Variants in TMEM108 observed in about 807,000 individuals in gnomAD.
TMEM108 encodes the protein cancer/testis antigen 124.
A neutral mutation model predicts 35.1 loss-of-function variants in TMEM108; 12 were observed. The observed-to-expected ratio is 0.34, with a 90% CI of 0.22 to 0.55. The LOEUF is 0.55. TMEM108 is among the 20% of genes least tolerant of loss of function. The pLI, the probability that TMEM108 is intolerant of heterozygous loss-of-function variation, is 0.89. For synonymous variants in TMEM108, 287 were observed against 308.6 expected, an observed-to-expected ratio of 0.93 and a Z score of 0.73; for missense variants, 680 against 753.3, an observed-to-expected ratio of 0.90 and a Z score of 1.14.
intron 3 of TMEM108, among the ~76,000 whole-genome samples, chr3:133,233,361 AC>A (rs1946184656): frequency 6.8e-6 from 1 of 146,602 alleles, no homozygotes; most frequent in Non-Finnish European, 1.5e-5. Flanking sequence ...CCTACAAAGG[AC>A]ATAAACTCAT....
At chr3:133,336,195 T>C (rs1043209303) in intron 3 of TMEM108, among the ~76,000 whole-genome samples, 13 of 152,078 alleles carry the variant, frequency 8.5e-5, no homozygotes, top group Non-Finnish European at 1.3e-4. Context: ...CAGTGGACTT[T>C]AAGGCGCATG....
intron 2 of TMEM108, among the ~76,000 whole-genome samples, chr3:133,159,086 A>G (rs1025620843): frequency 6.6e-6 from 1 of 152,226 alleles, no homozygotes; most frequent in Non-Finnish European, 1.5e-5. Context: ...GGAAAACATT[A>G]TATTCATTGT....
chr3:133,053,092 A>G (rs972727225), intron 2 of TMEM108, among the ~76,000 whole-genome samples: 2 of 152,100 alleles, frequency 1.3e-5, no homozygotes, highest in Non-Finnish European at 2.9e-5. Context: ...ATATTATTCT[A>G]TTGGGATCAG....
chr3:133,149,739 A>AAT (rs1944770848), intron 2 of TMEM108, among the ~76,000 whole-genome samples: 1 of 152,132 alleles, frequency 6.6e-6, no homozygotes, highest in Non-Finnish European at 1.5e-5. Context: ...TACATAAGGG[A>AAT]ATATATATAT....
intron 2 of TMEM108, among the ~76,000 whole-genome samples, chr3:133,210,671 C>T (rs1945823322): frequency 6.6e-6 from 1 of 152,132 alleles, no homozygotes; most frequent in African/African-American, 2.4e-5. Flanking sequence ...TGGAGCAAGA[C>T]ATAAAGATAA....
Position 133,380,019 on chromosome 3 carries a change from C to A in TMEM108, c.308C>A (p.Thr103Lys), listed in dbSNP as rs767996292. 1.9e-6 allele frequency: 3 copies of A among 1,613,904 alleles called. No homozygotes were observed. The highest frequency in any genetic ancestry group is 1.7e-5 in the Admixed American group (1 of 60,000). The change falls in exon 4 of 6, where the codon ACA becomes AAA. Residue 103 changes from threonine (T) to lysine (K), a missense_variant. Thr to Lys is a moderately conservative substitution (Grantham distance 78, BLOSUM62 -1). Around this residue, in one of 3 missense-constraint regions of TMEM108, gnomAD observed 526 missense variants for 532.1 expected, o/e 0.99. Transcript: ENST00000321871. The surrounding 1 kb of genome is among the most constrained non-coding windows in gnomAD (Gnocchi z 5.3). ...CACACCATCTCCACCATCGCTGCGA[C>A]AGTAACCGCCCCCCATTCTGAAAGC... ...PTHTISTIAA[T>K]VTAPHSESSL...
chr3:133,341,677 AC>A (rs2071665245), intron 3 of TMEM108, among the ~76,000 whole-genome samples: 1 of 151,586 alleles, frequency 6.6e-6, no homozygotes, highest in Non-Finnish European at 1.5e-5. Context: ...CATGCTACTG[AC>A]ATAGACACAT....
intron 2 of TMEM108, among the ~76,000 whole-genome samples, chr3:133,124,531 C>T (rs1413713346): frequency 1.3e-5 from 2 of 152,160 alleles, no homozygotes; most frequent in South Asian, 4.2e-4. Context: ...CTCCAGTTTG[C>T]CCAACTGCTG....
At chr3:133,230,029 C>G (rs760027488) in intron 3 of TMEM108, among the ~76,000 whole-genome samples, 1 of 152,156 alleles carries the variant, frequency 6.6e-6, no homozygotes, top group Non-Finnish European at 1.5e-5. Context: ...AAAGCCAAAA[C>G]CAATTGGTGG....
intron 2 of TMEM108, among the ~76,000 whole-genome samples, chr3:133,118,790 C>T (rs1157354412): frequency 6.6e-6 from 1 of 152,092 alleles, no homozygotes; most frequent in East Asian, 1.9e-4. Flanking sequence ...AATCAGATGC[C>T]AGGGTGTTTC....
intron 3 of TMEM108, among the ~76,000 whole-genome samples, chr3:133,283,134 ATAAT>A (rs1430987861): frequency 7.9e-5 from 12 of 152,340 alleles, no homozygotes; most frequent in African/African-American, 2.9e-4. Context: ...TGTTAAAAAT[ATAAT>A]TATTTATGCC....
At chr3:133,098,389 C>G (rs766052760) in intron 2 of TMEM108, among the ~76,000 whole-genome samples, 2 of 152,190 alleles carry the variant, frequency 1.3e-5, no homozygotes, top group Non-Finnish European at 2.9e-5. Context: ...AGACAAAATT[C>G]AAGTTCAGAT....
intron 2 of TMEM108, among the ~76,000 whole-genome samples, chr3:133,105,220 GT>G (rs1306680235): frequency 1.3e-5 from 2 of 152,210 alleles, no homozygotes; most frequent in African/African-American, 2.4e-5. Flanking sequence ...GTGGTTGGCA[GT>G]TTCTTGCCAT....
chr3:133,228,190 A>AT (rs35799830), intron 2 of TMEM108, among the ~76,000 whole-genome samples: 1 of 28,838 alleles, frequency 3.5e-5, no homozygotes, highest in Non-Finnish European at 7.1e-5. Context: ...ATATCTCAGT[A>AT]AAAAAAAAAA....
At chr3:133,169,780 G>A (rs1559854992) in intron 2 of TMEM108, among the ~76,000 whole-genome samples, 1 of 152,114 alleles carries the variant, frequency 6.6e-6, no homozygotes, top group Non-Finnish European at 1.5e-5. Flanking sequence ...ATGCTTTTCA[G>A]GCTCTGTGGG....
chr3:133,193,780 C>A (rs1945535295), intron 2 of TMEM108, among the ~76,000 whole-genome samples: 1 of 152,030 alleles, frequency 6.6e-6, no homozygotes, highest in African/African-American at 2.4e-5. Flanking sequence ...AGGAGATGGG[C>A]ATTTTTCTTT....
intron 3 of TMEM108, among the ~76,000 whole-genome samples, chr3:133,364,811 A>G (rs2072456031): frequency 6.6e-6 from 1 of 152,224 alleles, no homozygotes; most frequent in African/African-American, 2.4e-5. Flanking sequence ...GGACCTGGAA[A>G]TCTGCATACA....
intron 3 of TMEM108, among the ~76,000 whole-genome samples, chr3:133,364,019 A>G (rs142397384): frequency 3.9e-5 from 6 of 152,358 alleles, no homozygotes; most frequent in African/African-American, 1.4e-4. Flanking sequence ...GACTTAAATA[A>G]TGCTTACTGT....
chr3:133,376,811 CCTGTCT>C (rs1248963134), intron 3 of TMEM108, among the ~76,000 whole-genome samples: 4 of 152,190 alleles, frequency 2.6e-5, no homozygotes, highest in African/African-American at 9.7e-5. Flanking sequence ...GCACAAAAGC[CCTGTCT>C]CTGTCTCTCC....
Sources: allele counts gnomAD v4.1 joint callset (sites outside exome capture counted in the v4.1 genomes callset), GRCh38; gene constraint gnomAD v4.1.1; regional missense constraint gnomAD v4.1.1; non-coding constraint Gnocchi (gnomAD v3.1); transcripts MANE v1.5; gene names NCBI Gene and HGNC (gene_info 2026-07-23, HGNC 2026-07-21).